ABCA13: variants seen among roughly 807,000 people sequenced by gnomAD.
The protein encoded by ABCA13 is ATP binding cassette subfamily A member 13.
In ABCA13, 476 loss-of-function variants were observed where a neutral mutation model predicts 478.7. The ratio of observed to expected loss-of-function variants is 0.99; its 90% CI spans 0.92 to 1.07. The LOEUF is 1.07. Among genes scored for constraint, ABCA13 ranks in the 50% least tolerant of loss-of-function variants. ABCA13 has a pLI of 0.00. For synonymous variants in ABCA13, 2,252 were observed against 2,158.9 expected, an observed-to-expected ratio of 1.04 and a Z score of -1.20; for missense variants, 6,060 against 5,910.6, an observed-to-expected ratio of 1.03 and a Z score of -0.83.
chr7:48,466,859 C>T, intron 43 of ABCA13, 97 bp from the exon 44 acceptor site: 1 of 1,145,950 alleles, frequency 8.7e-7, no homozygotes, highest in Non-Finnish European at 1.3e-6. Flanking sequence ...ATCAGCCTGA[C>T]TAGGGCACAA....
chr7:48,437,891 G>A lies in ABCA13; in HGVS notation c.12565+10020G>A, dbSNP rs559406480. On this transcript the variant is annotated intron_variant, in intron 42 of 61. Coordinates refer to ENST00000435803, the MANE Select transcript of ABCA13 (RefSeq NM_152701.5). The stretch of plus-strand genomic sequence containing the variant: ...TGCCTCTTTCTTCTGATGTTCCTTG[G>A]CCACTTTCAAATGCCTTAGTTTTTC... Among the ~76,000 whole-genome samples, 12 of 152,042 alleles carry A rather than the reference G, an allele frequency of 7.9e-5. 1 individual carries two copies. In the South Asian group the frequency reaches 2.5e-3, roughly 32 times the overall value.
At chr7:48,346,901 A>G (rs1303121817) in intron 29 of ABCA13, among the ~76,000 whole-genome samples, 1 of 152,200 alleles carries the variant, frequency 6.6e-6, no homozygotes, top group Non-Finnish European at 1.5e-5. Flanking sequence ...GCAGGGGTCA[A>G]TGCCACTTCT....
chr7:48,525,527 C>A (rs138525611), intron 54 of ABCA13, among the ~76,000 whole-genome samples: 2 of 152,188 alleles, frequency 1.3e-5, no homozygotes, highest in Non-Finnish European at 2.9e-5. Context: ...CCCAAAGATA[C>A]AGGGAAACTG....
intron 20 of ABCA13, among the ~76,000 whole-genome samples, chr7:48,290,188 G>C (rs1429923660): frequency 1.3e-5 from 2 of 152,128 alleles, no homozygotes; most frequent in African/African-American, 2.4e-5. Flanking sequence ...GAAATGAATG[G>C]GGCAGAAATT....
intron 19 of ABCA13, among the ~76,000 whole-genome samples, chr7:48,282,205 C>G (rs1797145341): frequency 6.6e-6 from 1 of 152,162 alleles, no homozygotes; most frequent in Non-Finnish European, 1.5e-5. Context: ...CTTTCAATGC[C>G]ACTGCTGAAG....
intron 55 of ABCA13, among the ~76,000 whole-genome samples, chr7:48,531,676 G>A (rs1196962165): frequency 6.9e-6 from 1 of 144,492 alleles, no homozygotes; most frequent in Non-Finnish European, 1.5e-5. Context: ...TTTCAGCAGT[G>A]TTTTTTACTT....
In ABCA13 at chr7:48,427,757, CT is replaced by C. The variant is rs778959139; in HGVS notation, c.12460-8del. On this transcript the variant is annotated splice_polypyrimidine_tract_variant and splice_region_variant and intron_variant, in intron 41 of 61. Coordinates refer to ENST00000435803, the MANE Select transcript of ABCA13 (RefSeq NM_152701.5). Reference sequence around the variant, plus strand: ...AAAATAATACATGGCGTTTTTTTTTCTCCGAAAGGTGTTTTTGATGCTTTTG... The same window carrying C: ...AAAATAATACATGGCGTTTTTTTTTCCCGAAAGGTGTTTTTGATGCTTTTG... The C allele has an allele frequency of 4.6e-6, 7 of 1,536,008 alleles. No homozygotes were observed. In the South Asian group the frequency reaches 6.8e-5, roughly 15 times the overall value.
At chr7:48,604,669 A>C (rs1791281244) in intron 58 of ABCA13, among the ~76,000 whole-genome samples, 1 of 152,132 alleles carries the variant, frequency 6.6e-6, no homozygotes, top group Non-Finnish European at 1.5e-5. Flanking sequence ...TTTTAGAATA[A>C]GCATGATGTG....
At chr7:48,475,458 A>ATTTTTTTTTTT (rs398047655) in intron 45 of ABCA13, among the ~76,000 whole-genome samples, 2 of 100,476 alleles carry the variant, frequency 2.0e-5, no homozygotes, top group African/African-American at 3.9e-5. Context: ...TGTCAATTTA[A>ATTTTTTTTTTT]TTTTTTTTTT....
intron 5 of ABCA13, among the ~76,000 whole-genome samples, chr7:48,223,136 A>C (rs1487064064): frequency 1.3e-5 from 2 of 152,068 alleles, no homozygotes; most frequent in Admixed American, 1.3e-4. Context: ...GGAAAAATGG[A>C]GTGGCCATTT....
chr7:48,564,547 A>G (rs1158561334), intron 55 of ABCA13, among the ~76,000 whole-genome samples: 1 of 151,954 alleles, frequency 6.6e-6, no homozygotes, highest in Admixed American at 6.6e-5. Flanking sequence ...AATCTTAGTA[A>G]GTTTACCTTC....
Position 48,609,151 on chromosome 7 carries a change from G to A in ABCA13, c.14745-6134G>A, listed in dbSNP as rs116118090. Reference sequence around the variant, plus strand: ...GGAGTTTGCTGGCATGAGAACATGAGCCTTCATGTTCATGCAGAGGTTCTA... The same window carrying A: ...GGAGTTTGCTGGCATGAGAACATGAACCTTCATGTTCATGCAGAGGTTCTA... On this transcript the variant is annotated intron_variant, in intron 58 of 61. Coordinates refer to ENST00000435803, the MANE Select transcript of ABCA13 (RefSeq NM_152701.5). 4.7e-3 allele frequency among the ~76,000 whole-genome samples: 711 copies of A among 152,214 alleles called. 5 individuals carry two copies. Among genetic ancestry groups the A allele is most frequent in the African/African-American group, 0.016 (671 of 41,526 alleles).
chr7:48,492,580 A>G (rs1236178475), intron 48 of ABCA13, among the ~76,000 whole-genome samples: 2 of 152,108 alleles, frequency 1.3e-5, no homozygotes, highest in Admixed American at 6.5e-5. Flanking sequence ...GGGAGGAGGA[A>G]CCTTTGAGAG....
intron 15 of ABCA13, among the ~76,000 whole-genome samples, chr7:48,252,625 C>T (rs1655340684): frequency 6.6e-6 from 1 of 152,120 alleles, no homozygotes; most frequent in African/African-American, 2.4e-5. Context: ...CGGGACCAAG[C>T]ATCATTATGT....
chr7:48,381,749 T>C (rs1814422991), intron 35 of ABCA13, among the ~76,000 whole-genome samples: 1 of 152,228 alleles, frequency 6.6e-6, no homozygotes, highest in South Asian at 2.1e-4. Context: ...TTTCCTGGCC[T>C]GCATAAGCCA....
intron 27 of ABCA13, among the ~76,000 whole-genome samples, chr7:48,325,891 A>G (rs1437266445): frequency 6.6e-6 from 1 of 152,162 alleles, no homozygotes; most frequent in East Asian, 1.9e-4. Flanking sequence ...GGCCCTTAGT[A>G]TGGCAGAGAA....
At chr7:48,483,267 C>A in intron 47 of ABCA13, 104 bp downstream of exon 47, 1 of 987,738 alleles carries the variant, frequency 1.0e-6, no homozygotes, top group Non-Finnish European at 1.5e-6. Flanking sequence ...CAGATTAAAT[C>A]CAATCATTTG....
At chr7:48,580,075 G>A (rs185234140) in intron 55 of ABCA13, 149 bp from the exon 56 acceptor site, 80 of 881,552 alleles carry the variant, frequency 9.1e-5, no homozygotes, top group African/African-American at 5.6e-4. Flanking sequence ...TATTCTTCAC[G>A]TCTCATGAAA....
At chr7:48,403,544 T>G (rs1291658735) in intron 38 of ABCA13, 139 bp from the exon 39 acceptor site, 2 of 839,406 alleles carry the variant, frequency 2.4e-6, no homozygotes, top group Non-Finnish European at 3.7e-6. Flanking sequence ...GACTCACGTG[T>G]GTGTAGCATC....
Sources: allele counts gnomAD v4.1 joint callset (sites outside exome capture counted in the v4.1 genomes callset), GRCh38; gene constraint gnomAD v4.1.1; transcripts MANE v1.5; gene names NCBI Gene and HGNC (gene_info 2026-07-23, HGNC 2026-07-21).